The following NEGR1 variants were observed in gnomAD, a reference collection of about 807,000 sequenced individuals.
NEGR1 encodes the protein IgLON family member 4.
Under a neutral mutation model 40.9 loss-of-function variants are expected in NEGR1, and 10 were observed. That is an observed-to-expected ratio of 0.24 (90% confidence interval 0.15 to 0.42). The LOEUF is 0.42. Ranked by LOEUF, NEGR1 falls within the 10% of genes least tolerant of loss-of-function variation. The pLI, the probability that NEGR1 is intolerant of heterozygous loss-of-function variation, is 1.00. For missense variants in NEGR1, 352 were observed against 438.9 expected, an observed-to-expected ratio of 0.80 and a Z score of 1.77; for synonymous variants, 185 against 166.8, an observed-to-expected ratio of 1.11 and a Z score of -0.84.
At chr1:72,264,984 C>A (rs1187435366) in intron 1 of NEGR1, among the ~76,000 whole-genome samples, 1 of 150,596 alleles carries the variant, frequency 6.6e-6, no homozygotes, top group Non-Finnish European at 1.5e-5. Context: ...AATTACTGTA[C>A]TGAATAAATT....
chr1:71,789,708 T>G lies in NEGR1; in HGVS notation c.410-13411A>C, dbSNP rs145555274. ...AAAACTTAAAAAATGTGGTTAAGAC[T>G]GAAAAGTGTAATTCCTTGGGCATTC... On this transcript the variant is annotated intron_variant, in intron 2 of 6. Transcript: ENST00000357731. Among the ~76,000 whole-genome samples the G allele has an allele frequency of 3.8e-3, 582 of 152,240 alleles. 2 individuals are homozygous for G. Among genetic ancestry groups the G allele is most frequent in the African/African-American group, 0.013 (550 of 41,572 alleles).
In NEGR1 at chr1:71,425,678, G is replaced by A. The variant is rs371129007; in HGVS notation, c.941-18108C>T. Among the ~76,000 whole-genome samples the A allele has an allele frequency of 5.9e-5, 9 of 151,994 alleles. No individual in the cohort carries two copies. The South Asian group carries it at 8.3e-4, about 14-fold the overall frequency. ...TTTTTTAATGTAAAATATCTGAGTC[G>A]GAACACTTCTCAATGAATAACTAAT... On this transcript the variant is annotated intron_variant, in intron 6 of 6. Transcript: ENST00000357731.
At chr1:71,570,401 G>A (rs1437559535) in intron 6 of NEGR1, among the ~76,000 whole-genome samples, 1 of 152,086 alleles carries the variant, frequency 6.6e-6, no homozygotes, top group African/African-American at 2.4e-5. Flanking sequence ...ATTAACTGGA[G>A]TGATATACTG....
chr1:72,134,643 CCTT>C (rs1650382451), intron 1 of NEGR1, among the ~76,000 whole-genome samples: 1 of 26,126 alleles, frequency 3.8e-5, no homozygotes, highest in African/African-American at 6.5e-5. Flanking sequence ...TTAGAGGTTT[CCTT>C]TTTTTTTTTT....
chr1:72,009,481 T>A (rs1646638047), intron 1 of NEGR1, among the ~76,000 whole-genome samples: 1 of 151,938 alleles, frequency 6.6e-6, no homozygotes, highest in South Asian at 2.1e-4. Flanking sequence ...TACTTTTAAA[T>A]GCAGAGGGTT....
At chr1:71,995,950 T>G (rs575267104) in intron 1 of NEGR1, among the ~76,000 whole-genome samples, 2 of 152,294 alleles carry the variant, frequency 1.3e-5, no homozygotes, top group Admixed American at 1.3e-4. Context: ...TTGGAATTAT[T>G]TTAGAGAACG....
chr1:72,157,246 C>T (rs551511017), intron 1 of NEGR1, among the ~76,000 whole-genome samples: 3 of 152,276 alleles, frequency 2.0e-5, no homozygotes, highest in South Asian at 2.1e-4. Context: ...GTTGGGATTA[C>T]AAGCGTGAGC....
chr1:71,627,564 T>C (rs1204513909), intron 4 of NEGR1, among the ~76,000 whole-genome samples: 1 of 151,994 alleles, frequency 6.6e-6, no homozygotes, highest in Non-Finnish European at 1.5e-5. Context: ...TAACAATTAT[T>C]ATCTATTTCT....
intron 2 of NEGR1, among the ~76,000 whole-genome samples, chr1:71,778,505 C>T (rs959517662): frequency 6.6e-6 from 1 of 152,014 alleles, no homozygotes; most frequent in Admixed American, 6.6e-5. Context: ...TTTCAATTTA[C>T]AATGGGTTTA....
intron 6 of NEGR1, among the ~76,000 whole-genome samples, chr1:71,427,942 G>A (rs1646439866): frequency 6.6e-6 from 1 of 152,004 alleles, no homozygotes; most frequent in Non-Finnish European, 1.5e-5. Context: ...TGAGAGATGT[G>A]CTCAAAGGGA....
chr1:72,188,537 T>A (rs147629527), intron 1 of NEGR1, among the ~76,000 whole-genome samples: 86 of 151,646 alleles, frequency 5.7e-4, no homozygotes, highest in Non-Finnish European at 1.0e-3. Context: ...CAACACTGAC[T>A]TCTGTTGTAT....
chr1:72,048,510 C>A (rs183115430), intron 1 of NEGR1, among the ~76,000 whole-genome samples: 2 of 151,438 alleles, frequency 1.3e-5, no homozygotes, highest in South Asian at 4.2e-4. Flanking sequence ...ATTCTTAATA[C>A]ATATTTACCC....
intron 6 of NEGR1, among the ~76,000 whole-genome samples, chr1:71,545,041 A>T (rs961433020): frequency 6.6e-6 from 1 of 151,672 alleles, no homozygotes; most frequent in East Asian, 2.0e-4. Context: ...ATTTCATGCC[A>T]GAAAGACTAT....
intron 3 of NEGR1, among the ~76,000 whole-genome samples, chr1:71,751,716 CAA>C (rs574796506): frequency 7.4e-6 from 1 of 135,900 alleles, no homozygotes. Context: ...GCTACCTTTC[CAA>C]AAAAAAAAAA....
intron 1 of NEGR1, among the ~76,000 whole-genome samples, chr1:71,996,060 G>C (rs1446214922): frequency 6.6e-6 from 1 of 152,034 alleles, no homozygotes; most frequent in Non-Finnish European, 1.5e-5. Flanking sequence ...AATAGTAATA[G>C]TACACACCAC....
At position 72,225,988 on chromosome 1, in the gene NEGR1, T is replaced by A. The variant is rs190895429; in HGVS notation, c.176+56331A>T. On this transcript the variant is annotated intron_variant, in intron 1 of 6. Transcript: ENST00000357731. Reference sequence around the variant, plus strand: ...AGGTAACTTAGCAGGAAAAAGTATGTCGTAGACAAAAAACTTCAGAAGATG... The same window carrying A: ...AGGTAACTTAGCAGGAAAAAGTATGACGTAGACAAAAAACTTCAGAAGATG... Among the ~76,000 whole-genome samples the A allele has an allele frequency of 5.6e-4, 85 of 151,912 alleles. No homozygotes were observed. The East Asian group carries it at 9.7e-3, about 17-fold the overall frequency.
Position 72,005,472 on chromosome 1 carries a change from A to G in NEGR1, c.177-70161T>C, listed in dbSNP as rs186367770. Among the ~76,000 whole-genome samples, 4 of 152,300 alleles carry G rather than the reference A, an allele frequency of 2.6e-5. No individual in the cohort carries two copies. The East Asian group carries it at 7.7e-4, about 29-fold the overall frequency. ...TCTTGACAAATTATAATTTTTAAAGAATACGGTAAAATAACAAAGCTTTTA... is the reference window on the plus strand; with the variant it reads ...TCTTGACAAATTATAATTTTTAAAGGATACGGTAAAATAACAAAGCTTTTA... On this transcript the variant is annotated intron_variant, in intron 1 of 6. Coordinates refer to ENST00000357731, the MANE Select transcript of NEGR1 (RefSeq NM_173808.3).
chr1:71,591,925 A>C (rs1353049749), intron 6 of NEGR1, among the ~76,000 whole-genome samples: 1 of 152,112 alleles, frequency 6.6e-6, no homozygotes, highest in African/African-American at 2.4e-5. Flanking sequence ...TGCATTTTTC[A>C]GAGATAGCTT....
intron 2 of NEGR1, among the ~76,000 whole-genome samples, chr1:71,905,720 G>C (rs1661257208): frequency 6.6e-6 from 1 of 151,940 alleles, no homozygotes; most frequent in South Asian, 2.1e-4. Context: ...ATTTAAAACA[G>C]GGTCCACTGA....
Sources: gnomAD v4.1 joint callset for allele counts (sites outside exome capture counted in the v4.1 genomes callset) on GRCh38, gnomAD v4.1.1 for gene constraint, MANE v1.5 for transcripts, NCBI Gene and HGNC (gene_info 2026-07-23, HGNC 2026-07-21) for gene names.